PHF3: variants seen among roughly 807,000 people sequenced by gnomAD.
PHF3 encodes the protein PHD finger protein 3.
In PHF3, 41 loss-of-function variants were observed where a neutral mutation model predicts 178.4. The observed-to-expected ratio is 0.23, with a 90% CI of 0.18 to 0.30. The LOEUF is 0.30. Ranked by LOEUF, PHF3 falls within the 10% of genes least tolerant of loss-of-function variation. The pLI is 1.00. For synonymous variants in PHF3, 842 were observed against 800.5 expected (o/e 1.05, Z -0.88); for missense variants, 2,346 against 2,398.1 (o/e 0.98, Z 0.45).
At chr6:63,654,879 A>G (rs776851760) in intron 2 of PHF3, among the ~76,000 whole-genome samples, 184 of 127,660 alleles carry the variant, frequency 1.4e-3, no homozygotes, top group Middle Eastern at 4.7e-3. Flanking sequence ...AGTTATTTGT[A>G]TTAGGTGACC....
chr6:63,653,279 T>C (rs1407839710), intron 2 of PHF3, among the ~76,000 whole-genome samples: 2 of 151,780 alleles, frequency 1.3e-5, no homozygotes, highest in African/African-American at 4.8e-5. Flanking sequence ...ACACTGCTTT[T>C]GGTAGGTAAT....
intron 3 of PHF3, among the ~76,000 whole-genome samples, chr6:63,680,955 A>AT (rs898408876): frequency 2.0e-4 from 30 of 151,842 alleles, no homozygotes; most frequent in Non-Finnish European, 4.0e-4. Flanking sequence ...TCTGGATTCA[A>AT]TTTTTTTATT....
At chr6:63,679,697 A>G (rs1324216276) in intron 2 of PHF3, 12 of 403,226 alleles carry the variant, frequency 3.0e-5, no homozygotes, top group South Asian at 1.1e-4. Context: ...ATAGTCACCT[A>G]TGTCTTTCAC....
intron 2 of PHF3, among the ~76,000 whole-genome samples, chr6:63,670,523 T>C (rs1765870835): frequency 6.6e-6 from 1 of 152,052 alleles, no homozygotes; most frequent in Non-Finnish European, 1.5e-5. Context: ...CCTGACCTTG[T>C]GATCCGCCCA....
chr6:63,692,582 T>G (rs1767054991), intron 5 of PHF3, among the ~76,000 whole-genome samples: 1 of 152,234 alleles, frequency 6.6e-6, no homozygotes, highest in Admixed American at 6.5e-5. Flanking sequence ...AGTCGTTAAT[T>G]TGTTATTCTT....
At position 63,716,103 on chromosome 6, in the gene PHF3, C is replaced by T. The variant is rs888182188; in HGVS notation, c.*2395C>T. ...GGCAATCAGAAAGCCTCCTTGAGCCCTCTGTAAGGCATCCCTGGTTTTGAG... is the reference window on the plus strand; with the variant it reads ...GGCAATCAGAAAGCCTCCTTGAGCCTTCTGTAAGGCATCCCTGGTTTTGAG... On this transcript the variant is annotated 3_prime_UTR_variant, in exon 16 of 16. Transcript: ENST00000262043. Among the ~76,000 whole-genome samples, 2 of 152,096 alleles carry T rather than the reference C, an allele frequency of 1.3e-5. No individual in the cohort carries two copies. The highest frequency in any genetic ancestry group is 4.8e-5 in the African/African-American group (2 of 41,434).
chr6:63,692,273 A>G (rs754151129), intron 5 of PHF3, among the ~76,000 whole-genome samples: 7 of 152,068 alleles, frequency 4.6e-5, no homozygotes, highest in South Asian at 2.1e-4. Context: ...CTTTTTTGCC[A>G]TTTCTAGCCC....
Position 63,712,500 on chromosome 6 carries a change from A to G in PHF3, c.4912A>G (p.Asn1638Asp). 6.2e-7 allele frequency: 1 copy of G among 1,613,944 alleles called. No homozygotes were observed. The highest frequency in any genetic ancestry group is 8.5e-7 in the Non-Finnish European group (1 of 1,179,932). ...NVSCSENLVA[N>D]TARSPQFINL... ...GAGCTGTAGTGAAAACCTTGTTGCT[A>G]ATACAGCGAGGTCTCCACAGTTTAT... Residue 1638 changes from asparagine (N) to aspartate (D), a missense_variant, in exon 16 of 16, where the codon AAT (asparagine) becomes GAT (aspartate). Physicochemically the swap from Asn to Asp is conservative, Grantham distance 23. This residue lies in a region of PHF3 where 839 missense variants were observed against 806.9 expected (regional missense o/e 1.04). Transcript: ENST00000262043.
chr6:63,681,793 C>G (rs1164858548), intron 3 of PHF3, among the ~76,000 whole-genome samples: 1 of 152,040 alleles, frequency 6.6e-6, no homozygotes, highest in Admixed American at 6.6e-5. Flanking sequence ...CCTAGATGCT[C>G]TCCTGAAATG....
At position 63,684,142 on chromosome 6, in the gene PHF3, T is replaced by G. The variant is rs1220713293; in HGVS notation, c.420T>G (p.Ser140Arg). Residue 140 changes from serine (S) to arginine (R), a missense_variant, in exon 4 of 16, where the codon AGT becomes AGG. Around this residue, in one of 8 missense-constraint regions of PHF3, gnomAD observed 843 missense variants for 795.2 expected, o/e 1.06. Coordinates refer to ENST00000262043, the MANE Select transcript of PHF3 (RefSeq NM_001370348.2). The part of the protein sequence containing the change: ...PRLMAQEQVR[S>R]LRQSTIAKRS... ...CCCCTGTGATAGAACAAGTAAGAAG[T>G]TTGCGACAGAGCACTATTGCCAAGC... 1.2e-6 allele frequency: 2 copies of G among 1,603,544 alleles called. No individual in the cohort carries two copies. Among genetic ancestry groups the G allele is most frequent in the Admixed American group, 1.7e-5 (1 of 57,420 alleles).
intron 1 of PHF3, among the ~76,000 whole-genome samples, chr6:63,642,929 T>C (rs1764637501): frequency 6.6e-6 from 1 of 152,182 alleles, no homozygotes; most frequent in Non-Finnish European, 1.5e-5. Flanking sequence ...TAAGACTTTA[T>C]TTTGTAATAA....
In PHF3 at chr6:63,712,517, A is replaced by G. The variant is rs749338833; in HGVS notation, c.4929A>G (p.Pro1643=). ...TTGTTGCTAATACAGCGAGGTCTCC[A>G]CAGTTTATCAACCTGAAAAGGGATC... is the stretch of plus-strand genomic sequence containing the variant. ...ENLVANTARS[P]QFINLKRDPR... is the part of the protein sequence containing the mutation. The change falls in exon 16 of 16, where the codon CCA becomes CCG. Residue 1643 remains proline (P), a synonymous_variant. Coordinates refer to ENST00000262043, the MANE Select transcript of PHF3 (RefSeq NM_001370348.2). 6.2e-7 allele frequency: 1 copy of G among 1,613,950 alleles called. No individual in the cohort carries two copies.
At position 63,711,127 on chromosome 6, in the gene PHF3, C is replaced by A. The variant is rs1767907964; in HGVS notation, c.3802-40C>A. The A allele has an allele frequency of 4.2e-6, 6 of 1,437,128 alleles. No individual in the cohort carries two copies. In the South Asian group the frequency reaches 6.7e-5, roughly 16 times the overall value. The allele number at this position is 1,437,128 out of a possible 1,614,324, so 89.0% of individuals were successfully genotyped here. ...GTTTTAAAACCAAGCTACTCTTTAG[C>A]TTATTACCTTAAACAATTATTTGTT... On this transcript the variant is annotated intron_variant, in intron 14 of 15. Coordinates refer to ENST00000262043, the MANE Select transcript of PHF3 (RefSeq NM_001370348.2).
chr6:63,721,175 A>C lies in PHF3; in HGVS notation c.*7467A>C. On this transcript the variant is annotated 3_prime_UTR_variant, in exon 16 of 16. Coordinates refer to ENST00000262043, the MANE Select transcript of PHF3 (RefSeq NM_001370348.2). ...CCATAAATTTTGCAGTTGAAAATGA[A>C]GTTTTGTTTTCACAATACCTTCCCA... 1 of 1,551,640 alleles carries C rather than the reference A, an allele frequency of 6.4e-7. No homozygotes were observed.
intron 6 of PHF3, among the ~76,000 whole-genome samples, chr6:63,696,637 G>A (rs555429764): frequency 1.9e-4 from 29 of 152,198 alleles, no homozygotes; most frequent in African/African-American, 6.7e-4. Context: ...TTTAAGAGTT[G>A]GGGAGAGAAG....
At chr6:63,700,234 ATAAT>A (rs2149600311) in intron 8 of PHF3, 112 bp from the exon 9 acceptor site, 2 of 543,588 alleles carry the variant, frequency 3.7e-6, no homozygotes, top group Non-Finnish European at 3.4e-6. Context: ...TAATATATAA[ATAAT>A]TAAGTATTTG....
intron 3 of PHF3, 96 bp from the exon 4 acceptor site, chr6:63,684,033 T>C: frequency 1.0e-6 from 1 of 964,668 alleles, no homozygotes; most frequent in Non-Finnish European, 1.5e-6. Flanking sequence ...AAATTATAGC[T>C]CAGAATAAAG....
rs758431214 is a variant in PHF3, at chr6:63,684,213, A to G, written c.491A>G (p.Lys164Arg). 2 of 1,613,942 alleles carry G rather than the reference A, an allele frequency of 1.2e-6. No homozygotes were observed. The highest frequency in any genetic ancestry group is 2.7e-5 in the African/African-American group (2 of 74,936). ...AGTAACACAAAAAAAGCATCTGGGA[A>G]GACTGTATCTACTGCTAAAGCAGGA... ...PLSNTKKASG[K>R]TVSTAKAGVK... Residue 164 changes from lysine to arginine, a missense_variant, in exon 4 of 16, where the codon AAG (lysine) becomes AGG (arginine). Coordinates refer to ENST00000262043, the MANE Select transcript of PHF3 (RefSeq NM_001370348.2).
intron 4 of PHF3, among the ~76,000 whole-genome samples, chr6:63,689,622 A>G (rs1035019863): frequency 1.3e-5 from 2 of 152,196 alleles, no homozygotes; most frequent in East Asian, 3.8e-4. Flanking sequence ...ATACATCTGT[A>G]GATGGCACTA....
Sources: allele counts gnomAD v4.1 joint callset (sites outside exome capture counted in the v4.1 genomes callset), GRCh38; gene constraint gnomAD v4.1.1; regional missense constraint gnomAD v4.1.1; transcripts MANE v1.5; gene names NCBI Gene and HGNC (gene_info 2026-07-23, HGNC 2026-07-21).